COL22A1: variants seen among roughly 807,000 people sequenced by gnomAD.
The protein encoded by COL22A1 is collagen alpha-1(XXII) chain.
Under a neutral mutation model 248.9 loss-of-function variants are expected in COL22A1, and 221 were observed. That is an observed-to-expected ratio of 0.89 (90% CI 0.80 to 0.99). COL22A1 has a LOEUF of 0.99. Ranked by LOEUF, COL22A1 falls within the 50% of genes least tolerant of loss-of-function variation. COL22A1 has a pLI of 0.00. For synonymous variants in COL22A1, 891 were observed against 793.4 expected, an observed-to-expected ratio of 1.12 and a Z score of -2.07; for missense variants, 2,240 against 2,179.0, an observed-to-expected ratio of 1.03 and a Z score of -0.56.
At chr8:138,852,028 G>A (rs1399221606) in intron 3 of COL22A1, among the ~76,000 whole-genome samples, 2 of 152,038 alleles carry the variant, frequency 1.3e-5, no homozygotes, top group South Asian at 2.1e-4. Context: ...GGGGATTGGA[G>A]GCAACTACAG....
chr8:138,717,720 T>C (rs183008997), intron 27 of COL22A1, among the ~76,000 whole-genome samples: 396 of 152,336 alleles, frequency 2.6e-3, no homozygotes, highest in Middle Eastern at 0.024. Context: ...ATTAGCACTT[T>C]GTGGTCCGGA....
At position 138,913,984 on chromosome 8, in the gene COL22A1, G is replaced by A. The variant is rs1412727602; in HGVS notation, c.-438C>T. 2.6e-5 allele frequency: 4 copies of A among 152,696 alleles called. No homozygotes were observed. Among genetic ancestry groups the A allele is most frequent in the African/African-American group, 7.2e-5 (3 of 41,464 alleles). 9.5% of individuals were successfully genotyped at this position (152,696 alleles called of 1,614,324 possible). A position where few individuals can be genotyped will look rare whatever the true frequency, so the allele number is the denominator to read the frequency against. Reference sequence around the variant, plus strand: ...CCTTGGGGAGAAACGCCGCAGCCTCGGCCAGCCCCGCCACTGCCCAGGAAC... The same window carrying A: ...CCTTGGGGAGAAACGCCGCAGCCTCAGCCAGCCCCGCCACTGCCCAGGAAC... On this transcript the variant is annotated 5_prime_UTR_variant, in exon 1 of 65. Coordinates refer to ENST00000303045, the MANE Select transcript of COL22A1 (RefSeq NM_152888.3).
At chr8:138,870,367 G>A (rs1362839509) in intron 3 of COL22A1, among the ~76,000 whole-genome samples, 1 of 151,666 alleles carries the variant, frequency 6.6e-6, no homozygotes, top group East Asian at 1.9e-4. Flanking sequence ...TATGTGGTGT[G>A]TATAGCCTAT....
chr8:138,641,448 G>A (rs1261691263), intron 47 of COL22A1, among the ~76,000 whole-genome samples: 9 of 152,262 alleles, frequency 5.9e-5, no homozygotes, highest in East Asian at 5.8e-4. Context: ...AGGCATTTAC[G>A]TCTAACTCTG....
At chr8:138,857,865 G>A (rs1297446726) in intron 3 of COL22A1, among the ~76,000 whole-genome samples, 1 of 152,184 alleles carries the variant, frequency 6.6e-6, no homozygotes, top group African/African-American at 2.4e-5. Flanking sequence ...TCCTCCCCGG[G>A]CACTTGGCCC....
chr8:138,911,705 CTG>C (rs997478857), intron 1 of COL22A1, among the ~76,000 whole-genome samples: 3 of 152,234 alleles, frequency 2.0e-5, no homozygotes, highest in Non-Finnish European at 4.4e-5. Flanking sequence ...AGCCTTAAAA[CTG>C]TCTGTGGACT....
chr8:138,708,834 A>G (rs553724263), intron 30 of COL22A1, among the ~76,000 whole-genome samples: 1 of 152,354 alleles, frequency 6.6e-6, no homozygotes, highest in African/African-American at 2.4e-5. Context: ...AGAAACTACC[A>G]TTAGAGTGAA....
At chr8:138,884,104 C>G (rs574402931) in intron 1 of COL22A1, among the ~76,000 whole-genome samples, 6 of 152,304 alleles carry the variant, frequency 3.9e-5, no homozygotes, top group African/African-American at 1.4e-4. Context: ...TACCTAAAAT[C>G]CCCACACCCA....
chr8:138,832,826 A>G (rs1465692848), intron 5 of COL22A1, among the ~76,000 whole-genome samples: 1 of 152,236 alleles, frequency 6.6e-6, no homozygotes, highest in East Asian at 1.9e-4. Context: ...GAAGGATCAG[A>G]GAACCAATGA....
At chr8:138,823,215 T>C (rs1203504698) in intron 6 of COL22A1, among the ~76,000 whole-genome samples, 1 of 152,196 alleles carries the variant, frequency 6.6e-6, no homozygotes, top group Non-Finnish European at 1.5e-5. Flanking sequence ...ATTAATGAAT[T>C]GTCACGAGGA....
At chr8:138,902,380 T>C (rs566941578) in intron 1 of COL22A1, among the ~76,000 whole-genome samples, 1 of 152,144 alleles carries the variant, frequency 6.6e-6, no homozygotes, top group African/African-American at 2.4e-5. Flanking sequence ...AACTTCACTG[T>C]GATGTAGGCC....
chr8:138,619,803 A>T (rs950653253), intron 52 of COL22A1, among the ~76,000 whole-genome samples: 89 of 152,312 alleles, frequency 5.8e-4, no homozygotes, highest in African/African-American at 2.1e-3. Context: ...TGGATGAGAA[A>T]TTATATGGCC....
intron 62 of COL22A1, among the ~76,000 whole-genome samples, chr8:138,596,090 T>C: frequency 6.6e-6 from 1 of 152,182 alleles, no homozygotes; most frequent in East Asian, 1.9e-4. Flanking sequence ...CCTCATGAGA[T>C]TGTTTGGAGG....
intron 12 of COL22A1, 95 bp from the exon 13 acceptor site, chr8:138,781,075 G>T: frequency 1.1e-6 from 1 of 877,516 alleles, no homozygotes. Flanking sequence ...GGAAGGGAAG[G>T]AAATTGTGAC....
At chr8:138,677,403 G>A (rs762577376) in intron 40 of COL22A1, among the ~76,000 whole-genome samples, 1 of 149,520 alleles carries the variant, frequency 6.7e-6, no homozygotes, top group Non-Finnish European at 1.5e-5. Context: ...TTCTGTTCTC[G>A]TTGTACTGCC....
intron 30 of COL22A1, among the ~76,000 whole-genome samples, chr8:138,712,314 G>A (rs76788768): frequency 0.031 from 4,696 of 152,262 alleles, 90 homozygotes; most frequent in African/African-American, 0.069. Context: ...TCCTATGAGG[G>A]GTTTGGGGCA....
intron 3 of COL22A1, among the ~76,000 whole-genome samples, chr8:138,865,939 T>G (rs981832082): frequency 5.7e-5 from 8 of 139,466 alleles, no homozygotes; most frequent in East Asian, 2.2e-4. Context: ...GTGTGTATGT[T>G]TGTGTATGTT....
chr8:138,786,639 C>T (rs748677075), intron 12 of COL22A1, among the ~76,000 whole-genome samples: 5 of 152,172 alleles, frequency 3.3e-5, no homozygotes, highest in African/African-American at 9.7e-5. Context: ...GGCACAGTGG[C>T]TCACGCTTGT....
intron 52 of COL22A1, among the ~76,000 whole-genome samples, chr8:138,622,534 A>T (rs1819890690): frequency 1.3e-5 from 2 of 152,224 alleles, no homozygotes; most frequent in South Asian, 4.1e-4. Context: ...AGATGATAAC[A>T]GTAAAATAAA....
Sources: gnomAD v4.1 joint callset for allele counts (sites outside exome capture counted in the v4.1 genomes callset) on GRCh38, gnomAD v4.1.1 for gene constraint, MANE v1.5 for transcripts, NCBI Gene and HGNC (gene_info 2026-07-23, HGNC 2026-07-21) for gene names.